Variants in TMEM47 observed in about 807,000 individuals in gnomAD.
The protein encoded by TMEM47 is transmembrane protein 47, also known as brain cell membrane protein 1.
Under a neutral mutation model 12.4 loss-of-function variants are expected in TMEM47, and 3 were observed. The ratio of observed to expected loss-of-function variants is 0.24; its 90% CI spans 0.11 to 0.63. TMEM47 has a LOEUF of 0.63. TMEM47 is among the 20% of genes least tolerant of loss of function. TMEM47 has a pLI of 0.86. For missense variants in TMEM47, 89 were observed against 143.8 expected, an observed-to-expected ratio of 0.62 and a Z score of 1.95; for synonymous variants, 62 against 63.3, an observed-to-expected ratio of 0.98 and a Z score of 0.10.
At chrX:34,633,963 A>G (rs1299342842) in intron 2 of TMEM47, among the ~76,000 whole-genome samples, 2 of 111,712 alleles carry the variant, frequency 1.8e-5, no homozygotes, top group African/African-American at 6.5e-5. Context: ...AGCAAAACTG[A>G]GAAAAATATA....
chrX:34,632,948 T>C (rs1921651330), intron 2 of TMEM47, among the ~76,000 whole-genome samples: 1 of 110,714 alleles, frequency 9.0e-6, no homozygotes, highest in African/African-American at 3.3e-5. Flanking sequence ...AGTTGCCAAG[T>C]ACATTTGAAA....
intron 1 of TMEM47, among the ~76,000 whole-genome samples, chrX:34,648,622 T>C (rs956692796): frequency 3.6e-5 from 4 of 111,790 alleles, no homozygotes; most frequent in African/African-American, 1.3e-4. Context: ...GGCAATACCA[T>C]CCTGGACATA....
intron 1 of TMEM47, among the ~76,000 whole-genome samples, chrX:34,640,733 G>A (rs1921800583): frequency 9.0e-6 from 1 of 111,428 alleles, no homozygotes; most frequent in South Asian, 3.8e-4. Context: ...TAGGATAAAC[G>A]ATGAGCAGAG....
At chrX:34,650,294 A>C (rs16991449) in intron 1 of TMEM47, among the ~76,000 whole-genome samples, 8,637 of 111,552 alleles carry the variant, frequency 0.077, 767 homozygotes, top group African/African-American at 0.26. Flanking sequence ...ATTCAACAAT[A>C]CTTCAAACAC....
At chrX:34,653,159 T>C (rs1453343285) in intron 1 of TMEM47, among the ~76,000 whole-genome samples, 1 of 110,967 alleles carries the variant, frequency 9.0e-6, no homozygotes, top group Admixed American at 9.6e-5. Context: ...ATACTAAAGT[T>C]AAAAAAAGAT....
rs1921568313 is a variant in TMEM47, at chrX:34,629,274, G to C, written c.*1039C>G. ...ATTTTTATTCTTAGGCAACTCTATTGACACTTTCCAGTGAAACAGTAAAGA... is the reference window on the plus strand; with the variant it reads ...ATTTTTATTCTTAGGCAACTCTATTCACACTTTCCAGTGAAACAGTAAAGA... On this transcript the variant is annotated 3_prime_UTR_variant, in exon 3 of 3. Coordinates refer to ENST00000275954, the MANE Select transcript of TMEM47 (RefSeq NM_031442.4). 1 of 111,152 alleles carries C rather than the reference G, an allele frequency of 9.0e-6. No homozygotes were observed. The allele number at this position is 111,152 out of a possible 1,213,427, so 9.2% of individuals were successfully genotyped here.
At chrX:34,652,224 T>G (rs1922029961) in intron 1 of TMEM47, among the ~76,000 whole-genome samples, 1 of 111,820 alleles carries the variant, frequency 8.9e-6, no homozygotes, top group African/African-American at 3.3e-5. Context: ...TTTATTCGGT[T>G]AGTTATTTTG....
At chrX:34,648,545 A>C (rs1328502197) in intron 1 of TMEM47, among the ~76,000 whole-genome samples, 1 of 112,171 alleles carries the variant, frequency 8.9e-6, no homozygotes, top group Non-Finnish European at 1.9e-5. Flanking sequence ...AGGTGGGTTA[A>C]AGATTTAAAT....
At chrX:34,653,909 T>C (rs1385697041) in intron 1 of TMEM47, among the ~76,000 whole-genome samples, 1 of 110,915 alleles carries the variant, frequency 9.0e-6, no homozygotes, top group Non-Finnish European at 1.9e-5. Context: ...AGCCGCTTTC[T>C]CATATGTCTT....
chrX:34,647,540 G>C (rs1056653175), intron 1 of TMEM47, among the ~76,000 whole-genome samples: 8 of 111,376 alleles, frequency 7.2e-5, no homozygotes, highest in Admixed American at 2.9e-4. Flanking sequence ...TTTTAAGTGA[G>C]AGTCTTCAGT....
intron 2 of TMEM47, among the ~76,000 whole-genome samples, chrX:34,638,070 G>C (rs1921748450): frequency 9.0e-6 from 1 of 110,819 alleles, no homozygotes; most frequent in Non-Finnish European, 1.9e-5. Context: ...TGATACTGTG[G>C]CCAGTTTTAT....
intron 1 of TMEM47, among the ~76,000 whole-genome samples, chrX:34,648,214 G>C (rs1412522499): frequency 8.9e-6 from 1 of 111,789 alleles, no homozygotes; most frequent in Non-Finnish European, 1.9e-5. Flanking sequence ...ACCAAAAAAA[G>C]AGCCCGAATA....
intron 1 of TMEM47, among the ~76,000 whole-genome samples, chrX:34,654,924 C>T (rs974220692): frequency 1.8e-5 from 2 of 111,763 alleles, no homozygotes; most frequent in Non-Finnish European, 3.8e-5. Context: ...CCAAACTGGG[C>T]CTGCCTTTGA....
intron 2 of TMEM47, among the ~76,000 whole-genome samples, chrX:34,633,353 A>C (rs764094293): frequency 3.6e-5 from 4 of 111,550 alleles, no homozygotes; most frequent in Non-Finnish European, 5.6e-5. Context: ...TTGGGGGTGC[A>C]GAACAACATA....
chrX:34,644,616 A>T (rs1921877949), intron 1 of TMEM47, among the ~76,000 whole-genome samples: 1 of 112,247 alleles, frequency 8.9e-6, no homozygotes. Context: ...GCTACTGGTT[A>T]TATGCTGAGA....
At chrX:34,634,190 G>C (rs183625792) in intron 2 of TMEM47, among the ~76,000 whole-genome samples, 137 of 111,465 alleles carry the variant, frequency 1.2e-3, no homozygotes, top group African/African-American at 4.3e-3. Context: ...CTTCCTCAAA[G>C]ATAACATAGG....
rs187165303 is a variant in TMEM47, at chrX:34,657,133, C to G, written c.-104G>C. The G allele has an allele frequency of 2.5e-3, 2,635 of 1,034,929 alleles. 34 individuals are homozygous for G. In the African/African-American group the frequency reaches 0.048, roughly 19 times the overall value. The allele number at this position is 1,034,929 out of a possible 1,213,427, so 85.3% of individuals were successfully genotyped here. ...GAAGGGAGAAGCCGCCGAGCTGCCA[C>G]GCGCGGGGACTCGCTCCCTCGGGGC... On this transcript the variant is annotated 5_prime_UTR_variant, in exon 1 of 3. Transcript: ENST00000275954.
intron 2 of TMEM47, among the ~76,000 whole-genome samples, chrX:34,630,941 G>A (rs1212860708): frequency 9.2e-6 from 1 of 108,677 alleles, no homozygotes; most frequent in Non-Finnish European, 1.9e-5. Context: ...GGGAGGCCCA[G>A]GCAGGTGGAT....
rs1027177601 is a variant in TMEM47 at position 34,627,336 on chromosome X, T to G, written c.*2977A>C. 8.9e-6 allele frequency: 1 copy of G among 112,035 alleles called. No homozygotes were observed. The highest frequency in any genetic ancestry group is 1.9e-5 in the Non-Finnish European group (1 of 53,129). 9.2% of individuals were successfully genotyped at this position (112,035 alleles called of 1,213,427 possible). A position where few individuals can be genotyped will look rare whatever the true frequency, so the allele number is the denominator to read the frequency against. On this transcript the variant is annotated 3_prime_UTR_variant, in exon 3 of 3. Transcript: ENST00000275954. ...AATAGCATAAACAGCATGAAGTATATTTTACTTTTAAGACAGATGAAATTT... is the reference window on the plus strand; with the variant it reads ...AATAGCATAAACAGCATGAAGTATAGTTTACTTTTAAGACAGATGAAATTT...
Sources: gnomAD v4.1 joint callset for allele counts (sites outside exome capture counted in the v4.1 genomes callset) on GRCh38, gnomAD v4.1.1 for gene constraint, MANE v1.5 for transcripts, NCBI Gene and HGNC (gene_info 2026-07-23, HGNC 2026-07-21) for gene names.